Variants in ARB2A observed in about 807,000 individuals in gnomAD.
ARB2A encodes cotranscriptional regulator ARB2A.
the ARB2A span, among the ~76,000 whole-genome samples, chr5:93,967,190 C>T: frequency 6.6e-6 from 1 of 152,068 alleles, no homozygotes; most frequent in African/African-American, 2.4e-5. Context: ...CAAATGTCAT[C>T]TGTGTTCAAA....
At chr5:93,711,920 G>C in the ARB2A span, among the ~76,000 whole-genome samples, 1 of 152,298 alleles carries the variant, frequency 6.6e-6, no homozygotes, top group African/African-American at 2.4e-5. Flanking sequence ...GGTCTTGCTT[G>C]GGGCGAGCGG....
chr5:94,069,184 T>C, the ARB2A span, among the ~76,000 whole-genome samples: 1 of 152,216 alleles, frequency 6.6e-6, no homozygotes, highest in African/African-American at 2.4e-5. Context: ...GACTATACAC[T>C]GGGGAAAGAA....
the ARB2A span, among the ~76,000 whole-genome samples, chr5:93,635,459 G>GTTTTTTTTTTTTTTTTTTTTT: frequency 4.0e-4 from 52 of 128,906 alleles, 2 homozygotes; most frequent in African/African-American, 1.5e-3. Flanking sequence ...TTATACGAAA[G>GTTTTTTTTTTTTTTTTTTTTT]TTTTTTTTTT....
the ARB2A span, among the ~76,000 whole-genome samples, chr5:93,672,628 G>A: frequency 6.6e-6 from 1 of 151,902 alleles, no homozygotes; most frequent in Non-Finnish European, 1.5e-5. Flanking sequence ...ATATTTTAGT[G>A]CATTAAAAAA....
At chr5:93,741,430 A>G in the ARB2A span, 1 of 1,613,426 alleles carries the variant, frequency 6.2e-7, no homozygotes, top group Non-Finnish European at 8.5e-7. Context: ...CGGCCAGACC[A>G]TCACCCTGCC....
At chr5:93,692,027 ACT>A in the ARB2A span, among the ~76,000 whole-genome samples, 1 of 152,228 alleles carries the variant, frequency 6.6e-6, no homozygotes, top group African/African-American at 2.4e-5. Flanking sequence ...TGAAGGAAGC[ACT>A]AAATATGGAA....
chr5:93,794,203 G>A, the ARB2A span, among the ~76,000 whole-genome samples: 21 of 151,994 alleles, frequency 1.4e-4, no homozygotes, highest in Non-Finnish European at 2.9e-4. Context: ...CTGCTTGTTT[G>A]ATTCCATTGC....
At chr5:93,989,715 T>C in the ARB2A span, among the ~76,000 whole-genome samples, 1 of 152,166 alleles carries the variant, frequency 6.6e-6, no homozygotes, top group African/African-American at 2.4e-5. Flanking sequence ...ATACTGGGTA[T>C]ATTCAGATGA....
the ARB2A span, among the ~76,000 whole-genome samples, chr5:93,689,807 T>C: frequency 6.6e-6 from 1 of 151,950 alleles, no homozygotes; most frequent in Non-Finnish European, 1.5e-5. Context: ...ATTCTCCCAG[T>C]GAGATCAATG....
chr5:93,848,078 C>T, the ARB2A span, among the ~76,000 whole-genome samples: 3 of 152,100 alleles, frequency 2.0e-5, no homozygotes, highest in African/African-American at 7.2e-5. Context: ...ATTAAATATC[C>T]AAATTTTTTA....
At chr5:93,843,417 C>CTTT in the ARB2A span, among the ~76,000 whole-genome samples, 14 of 120,580 alleles carry the variant, frequency 1.2e-4, no homozygotes, top group African/African-American at 1.6e-4. Context: ...AACAAGGATA[C>CTTT]TTTTTTTTTT....
chr5:93,902,105 T>C, the ARB2A span, among the ~76,000 whole-genome samples: 1 of 152,230 alleles, frequency 6.6e-6, no homozygotes, highest in South Asian at 2.1e-4. Flanking sequence ...ATGTATATAT[T>C]ATCATACTAT....
At chr5:93,902,429 A>G in the ARB2A span, among the ~76,000 whole-genome samples, 1 of 152,064 alleles carries the variant, frequency 6.6e-6, no homozygotes, top group East Asian at 1.9e-4. Flanking sequence ...TATTTGTTCT[A>G]CTCTATAAAG....
At chr5:93,828,004 T>C in the ARB2A span, among the ~76,000 whole-genome samples, 1 of 152,356 alleles carries the variant, frequency 6.6e-6, no homozygotes, top group East Asian at 1.9e-4. Flanking sequence ...CCTTGTAGTA[T>C]AGTTTGAAGT....
the ARB2A span, among the ~76,000 whole-genome samples, chr5:93,994,522 T>C: frequency 6.6e-6 from 1 of 151,956 alleles, no homozygotes; most frequent in African/African-American, 2.4e-5. Flanking sequence ...AAAGAAGAAA[T>C]GGAAAGCTGG....
the ARB2A span, among the ~76,000 whole-genome samples, chr5:93,771,769 C>T: frequency 1.3e-5 from 2 of 152,198 alleles, no homozygotes; most frequent in African/African-American, 4.8e-5. Context: ...CCATCTCATA[C>T]CAGTTAGAAT....
chr5:94,097,862 G>A, the ARB2A span, among the ~76,000 whole-genome samples: 5 of 53,628 alleles, frequency 9.3e-5, no homozygotes, highest in Non-Finnish European at 1.4e-4. Context: ...CCACCCCACC[G>A]CTGGTACACA....
chr5:93,921,177 A>G, the ARB2A span, among the ~76,000 whole-genome samples: 2 of 150,770 alleles, frequency 1.3e-5, no homozygotes, highest in Admixed American at 1.3e-4. Context: ...AAAAAAAAAA[A>G]GGAAATTCGT....
chr5:93,970,874 G>C, the ARB2A span, among the ~76,000 whole-genome samples: 4 of 152,210 alleles, frequency 2.6e-5, no homozygotes, highest in African/African-American at 9.6e-5. Context: ...TCACAAATGA[G>C]CCCAAAGGAG....
Sources: gnomAD v4.1 joint callset for allele counts (sites outside exome capture counted in the v4.1 genomes callset) on GRCh38, gnomAD v4.1.1 for gene constraint, MANE v1.5 for transcripts, NCBI Gene and HGNC (gene_info 2026-07-23, HGNC 2026-07-21) for gene names.